The following TULP4 variants were observed in gnomAD, a reference collection of about 807,000 sequenced individuals.
The protein encoded by TULP4 is TUB like protein 4.
TULP4 carries 16 observed loss-of-function variants against 129.0 expected under a neutral mutation model. The observed-to-expected ratio is 0.12, with a 90% CI of 0.08 to 0.19. The LOEUF (loss-of-function observed/expected upper bound fraction) is 0.19. Ranked by LOEUF, TULP4 falls within the 10% of genes least tolerant of loss-of-function variation. TULP4 has a pLI of 1.00. For missense variants in TULP4, 1,842 were observed against 2,059.1 expected (o/e 0.89, Z 2.04); for synonymous variants, 998 against 854.0 (o/e 1.17, Z -2.94).
At chr6:158,276,160 G>A (rs538324605) in intron 1 of TULP4, among the ~76,000 whole-genome samples, 1 of 151,898 alleles carries the variant, frequency 6.6e-6, no homozygotes, top group Non-Finnish European at 1.5e-5. Flanking sequence ...AGTAGAGACG[G>A]GGTTTTACCA....
chr6:158,294,129 C>T (rs1341760224), intron 1 of TULP4, among the ~76,000 whole-genome samples: 2 of 152,076 alleles, frequency 1.3e-5, no homozygotes, highest in Non-Finnish European at 1.5e-5. Flanking sequence ...TTTGGAAGAC[C>T]GAGGCGGGTG....
intron 1 of TULP4, among the ~76,000 whole-genome samples, chr6:158,288,644 G>C (rs1428023495): frequency 6.6e-6 from 1 of 152,058 alleles, no homozygotes; most frequent in African/African-American, 2.4e-5. Context: ...GGGACTACAG[G>C]CACCCGCCAC....
intron 1 of TULP4, among the ~76,000 whole-genome samples, chr6:158,402,439 T>C (rs1777874563): frequency 6.6e-6 from 1 of 152,238 alleles, no homozygotes; most frequent in African/African-American, 2.4e-5. Flanking sequence ...GAGATAGTGT[T>C]GACTGTCATT....
intron 1 of TULP4, among the ~76,000 whole-genome samples, chr6:158,394,928 G>A (rs1352165889): frequency 6.6e-6 from 1 of 151,872 alleles, no homozygotes; most frequent in African/African-American, 2.4e-5. Context: ...AAATCATGCA[G>A]TTGGAAGGCA....
At chr6:158,402,845 T>C (rs1391811028) in intron 1 of TULP4, among the ~76,000 whole-genome samples, 1 of 152,050 alleles carries the variant, frequency 6.6e-6, no homozygotes, top group Non-Finnish European at 1.5e-5. Flanking sequence ...ATTGGAGTTA[T>C]TAGAAAGCAA....
At chr6:158,431,235 T>G (rs572176237) in intron 3 of TULP4, among the ~76,000 whole-genome samples, 4 of 152,316 alleles carry the variant, frequency 2.6e-5, no homozygotes, top group Admixed American at 2.6e-4. Flanking sequence ...CACCTGATCT[T>G]TCCTGTATCA....
chr6:158,349,064 G>A (rs184041607), intron 1 of TULP4, among the ~76,000 whole-genome samples: 99 of 10,508 alleles, frequency 9.4e-3, no homozygotes, highest in Middle Eastern at 0.083. Flanking sequence ...CAGACGGGGC[G>A]GCCAGGCAGA....
chr6:158,374,824 GT>G (rs1777150183), intron 1 of TULP4, among the ~76,000 whole-genome samples: 2 of 152,238 alleles, frequency 1.3e-5, no homozygotes, highest in African/African-American at 4.8e-5. Flanking sequence ...TTTAAAACAG[GT>G]TTGAAATGTA....
At chr6:158,264,497 T>C (rs1778414221) in intron 1 of TULP4, among the ~76,000 whole-genome samples, 1 of 152,126 alleles carries the variant, frequency 6.6e-6, no homozygotes, top group African/African-American at 2.4e-5. Context: ...CTCCAGAAAA[T>C]GTGACTTGTG....
intron 1 of TULP4, among the ~76,000 whole-genome samples, chr6:158,290,929 A>T (rs1488311128): frequency 6.6e-6 from 1 of 152,220 alleles, no homozygotes; most frequent in African/African-American, 2.4e-5. Context: ...TCGGGCAAGC[A>T]TTTAACCTGC....
At chr6:158,459,564 C>T (rs1373745875) in intron 5 of TULP4, among the ~76,000 whole-genome samples, 5 of 151,980 alleles carry the variant, frequency 3.3e-5, no homozygotes, top group East Asian at 1.9e-4. Flanking sequence ...GAGCAGTTTC[C>T]GAAAGCATCA....
intron 6 of TULP4, among the ~76,000 whole-genome samples, chr6:158,463,661 T>G (rs1251317695): frequency 1.4e-5 from 2 of 139,518 alleles, no homozygotes; most frequent in African/African-American, 5.4e-5. Context: ...TATATATATA[T>G]ATATATAAAA....
At chr6:158,461,055 A>G (rs544176895) in intron 5 of TULP4, among the ~76,000 whole-genome samples, 1 of 152,378 alleles carries the variant, frequency 6.6e-6, no homozygotes, top group African/African-American at 2.4e-5. Context: ...GTCATGTGAC[A>G]AACACCTGTT....
intron 1 of TULP4, among the ~76,000 whole-genome samples, chr6:158,341,863 G>A (rs1013597354): frequency 1.3e-5 from 2 of 152,142 alleles, no homozygotes; most frequent in East Asian, 3.8e-4. Context: ...TCTGTGAGTT[G>A]TCTTTTCCCT....
At chr6:158,425,242 G>A (rs1038195985) in intron 2 of TULP4, among the ~76,000 whole-genome samples, 3 of 150,920 alleles carry the variant, frequency 2.0e-5, no homozygotes, top group African/African-American at 7.3e-5. Context: ...GGCTGGGTGC[G>A]GTGGCTCACA....
At chr6:158,242,619 T>C (rs1562492082) in intron 1 of TULP4, 1 of 705,164 alleles carries the variant, frequency 1.4e-6, no homozygotes, top group East Asian at 2.6e-5. Flanking sequence ...GGTGCAAGTA[T>C]TGATGACATT....
rs1053005513 is a variant in TULP4 at position 158,510,872 on chromosome 6, G to C, written c.*4178G>C. ...CAAATTGAAAAGGTTTCTTGAAAAG[G>C]AAAGTTTGGCCCAGCAACTGGAGAA... is the stretch of plus-strand genomic sequence containing the variant. On this transcript the variant is annotated 3_prime_UTR_variant, in exon 14 of 14. Coordinates refer to ENST00000367097, the MANE Select transcript of TULP4 (RefSeq NM_020245.5). 6.6e-6 allele frequency: 1 copy of C among 152,242 alleles called. No individual in the cohort carries two copies. Among genetic ancestry groups the C allele is most frequent in the Non-Finnish European group, 1.5e-5 (1 of 68,048 alleles). 9.4% of individuals were successfully genotyped at this position (152,242 alleles called of 1,614,324 possible). A position where few individuals can be genotyped will look rare whatever the true frequency, so the allele number is the denominator to read the frequency against.
chr6:158,454,812 G>T (rs67632724), intron 5 of TULP4, among the ~76,000 whole-genome samples: 63,265 of 151,656 alleles, frequency 0.42, 14,479 homozygotes, highest in African/African-American at 0.62. Flanking sequence ...CATCGTATTG[G>T]TCAGGCTGGT....
At chr6:158,282,428 T>G (rs1016459391) in intron 1 of TULP4, 1 of 152,124 alleles carries the variant, frequency 6.6e-6, no homozygotes, top group African/African-American at 2.4e-5. Flanking sequence ...CTAGATGATA[T>G]AAATCATTGC....
Sources: gnomAD v4.1 joint callset for allele counts (sites outside exome capture counted in the v4.1 genomes callset) on GRCh38, gnomAD v4.1.1 for gene constraint, MANE v1.5 for transcripts, NCBI Gene and HGNC (gene_info 2026-07-23, HGNC 2026-07-21) for gene names.